DIP2B: variants seen among roughly 807,000 people sequenced by gnomAD.
The protein encoded by DIP2B is disco-interacting protein 2 homolog B.
A neutral mutation model predicts 198.0 loss-of-function variants in DIP2B; 76 were observed. The ratio of observed to expected loss-of-function variants is 0.38; its 90% confidence interval spans 0.32 to 0.46. The LOEUF (loss-of-function observed/expected upper bound fraction) is 0.46. Ranked by LOEUF, DIP2B falls within the 20% of genes least tolerant of loss-of-function variation. DIP2B has a pLI of 0.99. For missense variants in DIP2B, 1,559 were observed against 1,978.4 expected, an observed-to-expected ratio of 0.79 and a Z score of 4.02; for synonymous variants, 701 against 739.1, an observed-to-expected ratio of 0.95 and a Z score of 0.84.
chr12:50,653,346 C>CTTTTTTTT (rs34185073), intron 3 of DIP2B, among the ~76,000 whole-genome samples: 1 of 76,644 alleles, frequency 1.3e-5, no homozygotes, highest in Admixed American at 1.7e-4. Flanking sequence ...TTTTTCTTTT[C>CTTTTTTTT]TTTTTTTTTT....
At chr12:50,590,728 CCAG>C in intron 1 of DIP2B, among the ~76,000 whole-genome samples, 1 of 152,088 alleles carries the variant, frequency 6.6e-6, no homozygotes, top group Non-Finnish European at 1.5e-5. Context: ...ATGATCATTT[CCAG>C]TGAAAGCATG....
At chr12:50,594,899 A>G (rs1464827014) in intron 1 of DIP2B, among the ~76,000 whole-genome samples, 1 of 152,196 alleles carries the variant, frequency 6.6e-6, no homozygotes, top group South Asian at 2.1e-4. Context: ...TATTTTAACA[A>G]TGTGAAATAA....
At position 50,718,817 on chromosome 12, in the gene DIP2B, A is replaced by T. The variant is rs1325158025; in HGVS notation, c.2960A>T (p.Lys987Met). ...GQIEENDLVR[K>M]HQFLAEILQW... ...ATAGAAGAGAATGATTTGGTGAGGA[A>T]GGTAAGTGTTCCTGAAGTGTTACCT... The change falls in exon 24 of 38, where the codon AAG (lysine) becomes ATG (methionine). Residue 987 changes from lysine to methionine, a missense_variant and splice_region_variant. By Grantham distance (95) the Lys-to-Met change is moderately conservative. Coordinates refer to ENST00000301180, the MANE Select transcript of DIP2B (RefSeq NM_173602.3). 6.2e-7 allele frequency: 1 copy of T among 1,613,978 alleles called. No individual in the cohort carries two copies. The highest frequency in any genetic ancestry group is 1.1e-5 in the South Asian group (1 of 91,054).
chr12:50,637,058 G>A (rs1196150388), intron 2 of DIP2B, among the ~76,000 whole-genome samples: 1 of 152,104 alleles, frequency 6.6e-6, no homozygotes, highest in Non-Finnish European at 1.5e-5. Context: ...CAATCAAGAG[G>A]CTAGATTGAT....
At chr12:50,559,082 T>A (rs1422329706) in intron 1 of DIP2B, among the ~76,000 whole-genome samples, 1 of 152,114 alleles carries the variant, frequency 6.6e-6, no homozygotes, top group African/African-American at 2.4e-5. Flanking sequence ...TGTATATAAT[T>A]CTTTCCATAC....
At chr12:50,595,946 G>A (rs146468558) in intron 1 of DIP2B, among the ~76,000 whole-genome samples, 73 of 152,078 alleles carry the variant, frequency 4.8e-4, no homozygotes, top group Admixed American at 4.4e-3. Context: ...GTACCTTTGT[G>A]ATCTCCAGTA....
rs551822801 is a variant in DIP2B at position 50,733,197 on chromosome 12, C to T, written c.3981+661C>T. ...CTGGGATTACAGACATGAGCCACCG[C>T]GCCCGGTCTGACCTTCTGTTTTTCT... On this transcript the variant is annotated intron_variant, in intron 32 of 37. Transcript: ENST00000301180. Among the ~76,000 whole-genome samples, 9 of 151,888 alleles carry T rather than the reference C, an allele frequency of 5.9e-5. No homozygotes were observed. In the South Asian group the frequency reaches 8.3e-4, roughly 14 times the overall value.
intron 2 of DIP2B, among the ~76,000 whole-genome samples, chr12:50,639,286 C>G (rs1275133290): frequency 6.6e-6 from 1 of 151,918 alleles, no homozygotes; most frequent in African/African-American, 2.4e-5. Context: ...ATATGGTTGC[C>G]AACTGAGGTC....
intron 8 of DIP2B, chr12:50,680,248 A>G (rs1484680630): frequency 2.4e-5 from 3 of 125,964 alleles, no homozygotes; most frequent in African/African-American, 9.3e-5. Flanking sequence ...CGACAGAGTG[A>G]GACTCTGTCT....
rs1957952793 is a variant in DIP2B at position 50,505,023 on chromosome 12, G to A, written c.-118G>A. The A allele has an allele frequency of 3.8e-6, 4 of 1,051,026 alleles. No homozygotes were observed. In the South Asian group the frequency reaches 4.3e-5, roughly 11 times the overall value. 65.1% of individuals were successfully genotyped at this position (1,051,026 alleles called of 1,614,324 possible). ...TCATGGCGGCGGCGGCGGCGGCGGC[G>A]GTGCTGGTGGTGCTCGGCGGCCGGA... On this transcript the variant is annotated 5_prime_UTR_variant, in exon 1 of 38. Transcript: ENST00000301180.
chr12:50,573,429 G>T (rs12302812), intron 1 of DIP2B, among the ~76,000 whole-genome samples: 1 of 152,164 alleles, frequency 6.6e-6, no homozygotes, highest in African/African-American at 2.4e-5. Context: ...ACCCTGGTCT[G>T]TAGCCACCTA....
intron 28 of DIP2B, among the ~76,000 whole-genome samples, chr12:50,726,490 A>C (rs1425061038): frequency 6.6e-6 from 1 of 151,970 alleles, no homozygotes; most frequent in Non-Finnish European, 1.5e-5. Flanking sequence ...AGCTGGGATT[A>C]CAGGCATGAA....
At chr12:50,616,720 G>A (rs538968514) in intron 1 of DIP2B, among the ~76,000 whole-genome samples, 1 of 152,274 alleles carries the variant, frequency 6.6e-6, no homozygotes, top group Non-Finnish European at 1.5e-5. Flanking sequence ...ATGTTTGTGA[G>A]CCTTTCTAGA....
intron 1 of DIP2B, among the ~76,000 whole-genome samples, chr12:50,590,860 A>C (rs1283956167): frequency 6.6e-6 from 1 of 152,192 alleles, no homozygotes; most frequent in Non-Finnish European, 1.5e-5. Flanking sequence ...TCCACTTTCA[A>C]GTTAGATTTC....
rs1318283965 is a variant in DIP2B at position 50,745,680 on chromosome 12, TA to T, written c.*845del. On this transcript the variant is annotated 3_prime_UTR_variant, in exon 38 of 38. Transcript: ENST00000301180. ...GGCTTCTATGAATTCAGCCTGTTTC[TA>T]AAAGCTGAAAATCTCAGTTTAAAAA... 6.6e-6 allele frequency: 1 copy of T among 152,656 alleles called. No individual in the cohort carries two copies. The highest frequency in any genetic ancestry group is 6.5e-5 in the Admixed American group (1 of 15,280). 9.5% of individuals were successfully genotyped at this position (152,656 alleles called of 1,614,324 possible). A position where few individuals can be genotyped will look rare whatever the true frequency, so the allele number is the denominator to read the frequency against.
intron 4 of DIP2B, 149 bp downstream of exon 4, chr12:50,660,468 C>A: frequency 1.2e-6 from 1 of 830,420 alleles, no homozygotes; most frequent in Non-Finnish European, 1.7e-6. Context: ...GCAGATTTTG[C>A]TTGTCATCTC....
chr12:50,519,554 ATAT>A (rs1245781154), intron 1 of DIP2B, among the ~76,000 whole-genome samples: 1 of 152,190 alleles, frequency 6.6e-6, no homozygotes, highest in Non-Finnish European at 1.5e-5. Flanking sequence ...CAGGATGATA[ATAT>A]TTTGGATGCT....
chr12:50,707,792 G>A (rs893070924), intron 21 of DIP2B, among the ~76,000 whole-genome samples: 1 of 151,920 alleles, frequency 6.6e-6, no homozygotes, highest in Non-Finnish European at 1.5e-5. Context: ...ACATTTGAGC[G>A]GAGACCTCCC....
intron 3 of DIP2B, among the ~76,000 whole-genome samples, chr12:50,655,596 TTAACTA>T (rs1295730741): frequency 6.6e-6 from 1 of 152,224 alleles, no homozygotes; most frequent in Non-Finnish European, 1.5e-5. Context: ...CCATGATACT[TTAACTA>T]TATGTCCTCA....
Sources: gnomAD v4.1 joint callset for allele counts (sites outside exome capture counted in the v4.1 genomes callset) on GRCh38, gnomAD v4.1.1 for gene constraint, MANE v1.5 for transcripts, NCBI Gene and HGNC (gene_info 2026-07-23, HGNC 2026-07-21) for gene names.